The following ZNF407 variants were observed in gnomAD, a reference collection of about 807,000 sequenced individuals.
The protein encoded by ZNF407 is zinc finger protein 407.
Under a neutral mutation model 131.2 loss-of-function variants are expected in ZNF407, and 17 were observed. The observed-to-expected ratio is 0.13, with a 90% CI of 0.09 to 0.19. The LOEUF is 0.19. ZNF407 is among the 10% of genes least tolerant of loss of function. ZNF407 has a pLI of 1.00. For missense variants in ZNF407, 2,681 were observed against 2,830.6 expected (o/e 0.95, Z 1.20); for synonymous variants, 1,156 against 1,062.0 (o/e 1.09, Z -1.72).
chr18:74,733,885 T>C (rs1433848158), intron 3 of ZNF407, among the ~76,000 whole-genome samples: 1 of 152,242 alleles, frequency 6.6e-6, no homozygotes. Context: ...CATTTCATGT[T>C]AGCCTTTTCT....
At chr18:74,992,539 G>A (rs764013278) in intron 8 of ZNF407, among the ~76,000 whole-genome samples, 4 of 152,198 alleles carry the variant, frequency 2.6e-5, no homozygotes, top group Non-Finnish European at 4.4e-5. Context: ...GGGGAAATCC[G>A]CATTTCCATG....
intron 3 of ZNF407, among the ~76,000 whole-genome samples, chr18:74,760,702 C>T (rs544739310): frequency 1.3e-4 from 20 of 152,214 alleles, no homozygotes; most frequent in South Asian, 2.1e-4. Flanking sequence ...GGAATTTTTA[C>T]GGGAATGAGG....
intron 8 of ZNF407, among the ~76,000 whole-genome samples, chr18:74,984,175 C>CT (rs1474277679): frequency 5.9e-5 from 9 of 152,318 alleles, no homozygotes; most frequent in Middle Eastern, 3.4e-3. Context: ...GGGTTCTTCT[C>CT]TGTGTACCTC....
chr18:74,750,178 C>G (rs1968766945), intron 3 of ZNF407, among the ~76,000 whole-genome samples: 1 of 152,160 alleles, frequency 6.6e-6, no homozygotes, highest in South Asian at 2.1e-4. Context: ...TTTACTTCTT[C>G]TTTGAGAGTA....
rs573851099 is a variant in ZNF407 at position 75,065,374 on chromosome 18, T to C, written c.*906T>C. 4 of 152,358 alleles carry C rather than the reference T, an allele frequency of 2.6e-5. No individual in the cohort carries two copies. Among genetic ancestry groups the C allele is most frequent in the East Asian group, 1.9e-4 (1 of 5,184 alleles). 9.4% of individuals were successfully genotyped at this position (152,358 alleles called of 1,614,324 possible). Reference sequence around the variant, plus strand: ...TTCGTGATTTCTGTCCATATGAAAATGCTGACATTAAACATTAACACATGG... The same window carrying C: ...TTCGTGATTTCTGTCCATATGAAAACGCTGACATTAAACATTAACACATGG... On this transcript the variant is annotated 3_prime_UTR_variant, in exon 9 of 9. Transcript: ENST00000299687.
intron 4 of ZNF407, among the ~76,000 whole-genome samples, chr18:74,871,245 T>G (rs1599210634): frequency 6.6e-6 from 1 of 152,212 alleles, no homozygotes; most frequent in East Asian, 1.9e-4. Flanking sequence ...CTGAAGAAAT[T>G]CAGGTGGGAA....
intron 4 of ZNF407, among the ~76,000 whole-genome samples, chr18:74,863,188 T>C (rs1443808994): frequency 1.3e-5 from 2 of 151,836 alleles, no homozygotes; most frequent in African/African-American, 4.8e-5. Flanking sequence ...CCCAAATTGC[T>C]GGGATTACAG....
intron 8 of ZNF407, among the ~76,000 whole-genome samples, chr18:74,969,487 C>T (rs925229815): frequency 1.7e-4 from 26 of 152,248 alleles, no homozygotes; most frequent in African/African-American, 6.3e-4. Flanking sequence ...ATTTTTTATG[C>T]TTTTGTGATA....
intron 3 of ZNF407, among the ~76,000 whole-genome samples, chr18:74,748,284 C>CT (rs35881659): frequency 0.03 from 4,189 of 138,664 alleles, 71 homozygotes; most frequent in African/African-American, 0.052. Context: ...AAAATTCTTT[C>CT]TTTTTTTTTT....
chr18:74,647,757 G>A (rs941378945), intron 3 of ZNF407, among the ~76,000 whole-genome samples: 3 of 152,066 alleles, frequency 2.0e-5, no homozygotes, highest in Admixed American at 2.0e-4. Flanking sequence ...TTGTGTGTGG[G>A]CATGGTGACA....
intron 1 of ZNF407, among the ~76,000 whole-genome samples, chr18:74,604,716 A>G (rs576910868): frequency 1.3e-5 from 2 of 152,304 alleles, no homozygotes; most frequent in African/African-American, 2.4e-5. Flanking sequence ...AAGTAACAAT[A>G]ATAATGTTTT....
At chr18:74,947,410 C>A (rs1473302136) in intron 8 of ZNF407, among the ~76,000 whole-genome samples, 1 of 152,098 alleles carries the variant, frequency 6.6e-6, no homozygotes, top group East Asian at 1.9e-4. Flanking sequence ...TTGGGAATTT[C>A]AAAGTATCAT....
chr18:74,910,496 A>G (rs1401869542), intron 7 of ZNF407, among the ~76,000 whole-genome samples: 1 of 152,138 alleles, frequency 6.6e-6, no homozygotes, highest in Non-Finnish European at 1.5e-5. Flanking sequence ...CTATTTAAGT[A>G]TATATGACTT....
At chr18:74,790,181 C>G (rs1396072148) in intron 4 of ZNF407, among the ~76,000 whole-genome samples, 4 of 152,134 alleles carry the variant, frequency 2.6e-5, no homozygotes. Flanking sequence ...TGCATTATAA[C>G]TATGTTATTC....
At chr18:74,779,208 C>T (rs1368587485) in intron 3 of ZNF407, among the ~76,000 whole-genome samples, 7 of 147,418 alleles carry the variant, frequency 4.7e-5, no homozygotes, top group Admixed American at 3.4e-4. Flanking sequence ...CTCCGCCTCC[C>T]GGGTTCACGC....
chr18:74,983,859 C>T (rs1972621865), intron 8 of ZNF407, among the ~76,000 whole-genome samples: 1 of 152,188 alleles, frequency 6.6e-6, no homozygotes, highest in Non-Finnish European at 1.5e-5. Flanking sequence ...GGTGGCATTG[C>T]TGTTAGCCTG....
Position 74,635,488 on chromosome 18 carries a change from A to G in ZNF407, c.4469A>G (p.Lys1490Arg), listed in dbSNP as rs199564918. 35 of 1,612,706 alleles carry G rather than the reference A, an allele frequency of 2.2e-5. No individual in the cohort carries two copies. Among genetic ancestry groups the G allele is most frequent in the African/African-American group, 9.3e-5 (7 of 75,056 alleles). The change falls in exon 2 of 9, where the codon AAG becomes AGG. Residue 1490 changes from lysine to arginine, a missense_variant. This residue lies in a region of ZNF407 where 213 missense variants were observed against 332.2 expected (regional missense o/e 0.64). Coordinates refer to ENST00000299687, the MANE Select transcript of ZNF407 (RefSeq NM_017757.3). This position sits in a 1 kb window ranked among gnomAD's most constrained non-coding sequence, Gnocchi z 4.7. ...PEGGATFKCVKCTEPFDSEQN... is the reference protein window; with the variant it reads ...PEGGATFKCVRCTEPFDSEQN... ...GGAGGGGCCACCTTTAAATGTGTCA[A>G]GTGCACAGAGCCCTTTGATTCTGAA...
chr18:74,697,126 T>C (rs12454086), intron 3 of ZNF407, among the ~76,000 whole-genome samples: 76,276 of 151,962 alleles, frequency 0.5, 20,105 homozygotes, highest in East Asian at 0.84. Context: ...AATAATAACT[T>C]TACAATCTTA....
intron 8 of ZNF407, among the ~76,000 whole-genome samples, chr18:75,003,637 A>G (rs1469587013): frequency 6.6e-6 from 1 of 152,208 alleles, no homozygotes; most frequent in Non-Finnish European, 1.5e-5. Context: ...TTTACGTGTC[A>G]AGATCAACGA....
Sources: gnomAD v4.1 joint callset for allele counts (sites outside exome capture counted in the v4.1 genomes callset) on GRCh38, gnomAD v4.1.1 for gene constraint, gnomAD v4.1.1 regional missense constraint, Gnocchi (gnomAD v3.1) non-coding constraint, MANE v1.5 for transcripts, NCBI Gene and HGNC (gene_info 2026-07-23, HGNC 2026-07-21) for gene names.